The following MICU3 variants were observed in gnomAD, a reference collection of about 807,000 sequenced individuals.
MICU3 encodes mitochondrial calcium uptake 3.
In MICU3, 62 loss-of-function variants were observed where a neutral mutation model predicts 66.5. The observed-to-expected ratio is 0.93, with a 90% CI of 0.76 to 1.15. The LOEUF (loss-of-function observed/expected upper bound fraction) is 1.15. MICU3 is among the 50% of genes most tolerant of loss of function. The pLI is 0.00. For synonymous variants in MICU3, 308 were observed against 240.7 expected, an observed-to-expected ratio of 1.28 and a Z score of -2.59; for missense variants, 779 against 664.4, an observed-to-expected ratio of 1.17 and a Z score of -1.90.
chr8:17,124,656 C>T (rs1050283685), downstream of MICU3, among the ~76,000 whole-genome samples: 6 of 151,558 alleles, frequency 4.0e-5, no homozygotes, highest in Admixed American at 1.3e-4. Context: ...CATAAACCTC[C>T]ATATTTCCTG....
rs1056375512 is a variant in MICU3, at chr8:17,027,623, G to T, written c.344G>T (p.Gly115Val). The change falls in exon 1 of 15, where the codon GGG becomes GTG. Residue 115 changes from glycine (G) to valine (V), a missense_variant. Coordinates refer to ENST00000318063, the MANE Select transcript of MICU3 (RefSeq NM_181723.3). Reference sequence around the variant, plus strand: ...CCCGAGGACCCGCCCCGCGGCCGGGGGATGCTGCCCATCCCAGTGGCGGCT... The same window carrying T: ...CCCGAGGACCCGCCCCGCGGCCGGGTGATGCTGCCCATCCCAGTGGCGGCT... ...TEPEDPPRGRGMLPIPVAAAK... is the reference protein window; with the variant it reads ...TEPEDPPRGRVMLPIPVAAAK... 1.8e-5 allele frequency: 23 copies of T among 1,310,244 alleles called. No homozygotes were observed. Among genetic ancestry groups the T allele is most frequent in the Non-Finnish European group, 2.2e-5 (23 of 1,033,784 alleles). 81.2% of individuals were successfully genotyped at this position (1,310,244 alleles called of 1,614,324 possible). A position where few individuals can be genotyped will look rare whatever the true frequency, so the allele number is the denominator to read the frequency against.
At chr8:17,088,444 G>A (rs984797439) in intron 7 of MICU3, among the ~76,000 whole-genome samples, 3 of 151,896 alleles carry the variant, frequency 2.0e-5, no homozygotes, top group Admixed American at 2.0e-4. Context: ...TTTATTTCTT[G>A]TAAATAATAT....
At chr8:17,100,789 AG>A (rs1801191393) in intron 9 of MICU3, among the ~76,000 whole-genome samples, 1 of 151,742 alleles carries the variant, frequency 6.6e-6, no homozygotes, top group African/African-American at 2.4e-5. Flanking sequence ...ATCAGAGCTA[AG>A]ACTACTTTCT....
At chr8:17,119,945 T>C (rs1803065934) in intron 14 of MICU3, among the ~76,000 whole-genome samples, 2 of 152,174 alleles carry the variant, frequency 1.3e-5, no homozygotes, top group South Asian at 4.1e-4. Flanking sequence ...CCTTATAAAT[T>C]CTTAAACTAA....
chr8:17,095,491 C>G (rs1006127859), intron 8 of MICU3, among the ~76,000 whole-genome samples: 1 of 151,774 alleles, frequency 6.6e-6, no homozygotes, highest in Non-Finnish European at 1.5e-5. Flanking sequence ...GTGTGTTTGT[C>G]TGTGTTTAAA....
At chr8:17,047,717 G>A (rs1359818346) in intron 1 of MICU3, among the ~76,000 whole-genome samples, 5 of 152,042 alleles carry the variant, frequency 3.3e-5, no homozygotes, top group African/African-American at 2.4e-5. Context: ...TCTATACCTC[G>A]GTAAGTTATT....
chr8:17,068,868 A>G (rs1228018386), intron 2 of MICU3, among the ~76,000 whole-genome samples: 1 of 152,194 alleles, frequency 6.6e-6, no homozygotes, highest in African/African-American at 2.4e-5. Context: ...AATAATTAAT[A>G]TTAACCAGTT....
chr8:17,087,325 C>A (rs1419017788), intron 7 of MICU3, among the ~76,000 whole-genome samples: 1 of 151,828 alleles, frequency 6.6e-6, no homozygotes, highest in Non-Finnish European at 1.5e-5. Context: ...TAATACAGAT[C>A]ATTATGCATG....
In MICU3 at chr8:17,121,781, A is replaced by G. The variant is rs935154904; in HGVS notation, c.*1494A>G. The G allele has an allele frequency of 6.6e-6, 1 of 152,134 alleles. No homozygotes were observed. Among genetic ancestry groups the G allele is most frequent in the Admixed American group, 6.6e-5 (1 of 15,240 alleles). The allele number at this position is 152,134 out of a possible 1,614,324, so 9.4% of individuals were successfully genotyped here. A position where few individuals can be genotyped will look rare whatever the true frequency, so the allele number is the denominator to read the frequency against. On this transcript the variant is annotated 3_prime_UTR_variant, in exon 15 of 15. Transcript: ENST00000318063. ...TTACATTGTTTATCTAATATTATTT[A>G]TGACAGTAATTTTAAAATATATTAT...
chr8:17,092,944 C>A (rs1297652928), intron 8 of MICU3, among the ~76,000 whole-genome samples: 1 of 152,072 alleles, frequency 6.6e-6, no homozygotes, highest in Non-Finnish European at 1.5e-5. Flanking sequence ...AAGAAGTTTC[C>A]TCAGGGAAAG....
At chr8:17,118,319 T>C (rs1202187080) in intron 13 of MICU3, among the ~76,000 whole-genome samples, 1 of 152,206 alleles carries the variant, frequency 6.6e-6, no homozygotes, top group African/African-American at 2.4e-5. Context: ...TATGTATTTA[T>C]GGGGTAAATG....
chr8:17,027,307 C>G lies in MICU3; in HGVS notation c.28C>G (p.Pro10Ala), dbSNP rs1811147943. Residue 10 changes from proline to alanine, a missense_variant, in exon 1 of 15, where the codon CCG becomes GCG. Pro to Ala is a conservative substitution (Grantham distance 27). Coordinates refer to ENST00000318063, the MANE Select transcript of MICU3 (RefSeq NM_181723.3). MAALRRLLW[P>A]PPRVSPPLCA... Reference sequence around the variant, plus strand: ...GGCTGCGCTGCGAAGGCTCTTGTGGCCGCCACCCCGGGTGTCTCCTCCACT... The same window carrying G: ...GGCTGCGCTGCGAAGGCTCTTGTGGGCGCCACCCCGGGTGTCTCCTCCACT... 3 of 1,381,366 alleles carry G rather than the reference C, an allele frequency of 2.2e-6. No homozygotes were observed. The South Asian group carries it at 3.7e-5, about 17-fold the overall frequency. The allele number at this position is 1,381,366 out of a possible 1,614,324, so 85.6% of individuals were successfully genotyped here.
At chr8:17,113,826 C>CT (rs539871345) in intron 11 of MICU3, among the ~76,000 whole-genome samples, 17 of 149,598 alleles carry the variant, frequency 1.1e-4, no homozygotes, top group East Asian at 3.9e-4. Context: ...TTTATTGGAG[C>CT]TTTTTTTTTG....
At chr8:17,030,070 T>C (rs1296826159) in intron 1 of MICU3, among the ~76,000 whole-genome samples, 2 of 152,222 alleles carry the variant, frequency 1.3e-5, no homozygotes, top group African/African-American at 2.4e-5. Flanking sequence ...TTGTGTTCTC[T>C]GTTGTTGATG....
chr8:17,066,545 T>TATATATATAGA lies in MICU3; in HGVS notation c.535+2308_535+2309insATATATATAGA, dbSNP rs1563321465. On this transcript the variant is annotated intron_variant, in intron 2 of 14. Coordinates refer to ENST00000318063, the MANE Select transcript of MICU3 (RefSeq NM_181723.3). ...TATATATATATATATATATATAGAT[T>TATATATATAGA]TTTTTTTTTTTTTTTGAGGCAGGGT... 3.0e-4 allele frequency among the ~76,000 whole-genome samples: 16 copies of TATATATATAGA among 53,978 alleles called. No homozygotes were observed. In the South Asian group the frequency reaches 3.5e-3, roughly 12 times the overall value. The allele number at this position is 53,978 out of a possible 152,430, so 35.4% of individuals were successfully genotyped here. A position where few individuals can be genotyped will look rare whatever the true frequency, so the allele number is the denominator to read the frequency against.
At chr8:17,031,265 A>T (rs10108524) in intron 1 of MICU3, among the ~76,000 whole-genome samples, 238 of 120,704 alleles carry the variant, frequency 2.0e-3, no homozygotes, top group African/African-American at 0.011. Flanking sequence ...CACTTCATTT[A>T]TTATTATTAT....
chr8:17,135,435 A>T, the MICU3 span, among the ~76,000 whole-genome samples: 2 of 151,118 alleles, frequency 1.3e-5, no homozygotes, highest in African/African-American at 4.8e-5. Flanking sequence ...TAGATTTTCT[A>T]TCTGATTTTT....
intron 1 of MICU3, among the ~76,000 whole-genome samples, chr8:17,061,203 T>G (rs1817771892): frequency 6.6e-6 from 1 of 152,096 alleles, no homozygotes; most frequent in Non-Finnish European, 1.5e-5. Flanking sequence ...GACTGCAGGC[T>G]TTGTTAGTTG....
Position 17,103,911 on chromosome 8 carries a change from G to T in MICU3, c.985-480G>T, listed in dbSNP as rs115764890. Among the ~76,000 whole-genome samples, 1,398 of 151,912 alleles carry T rather than the reference G, an allele frequency of 9.2e-3. 18 individuals carry two copies. The highest frequency in any genetic ancestry group is 0.031 in the African/African-American group (1,286 of 41,468). On this transcript the variant is annotated intron_variant, in intron 9 of 14. Transcript: ENST00000318063. Reference sequence around the variant, plus strand: ...TGGAATACAGTGGTTAAAGGAAGCTGTTTTGTGAAGCTTGGGACCTTTCTT... The same window carrying T: ...TGGAATACAGTGGTTAAAGGAAGCTTTTTTGTGAAGCTTGGGACCTTTCTT...
Sources: gnomAD v4.1 joint callset for allele counts (sites outside exome capture counted in the v4.1 genomes callset) on GRCh38, gnomAD v4.1.1 for gene constraint, MANE v1.5 for transcripts, NCBI Gene and HGNC (gene_info 2026-07-23, HGNC 2026-07-21) for gene names.